The following HAUS8 variants were observed in gnomAD, a reference collection of about 807,000 sequenced individuals.
HAUS8 encodes HAUS augmin like complex subunit 8.
In HAUS8, 38 loss-of-function variants were observed where a neutral mutation model predicts 42.9. That is an observed-to-expected ratio of 0.89 (90% confidence interval 0.68 to 1.16). The LOEUF (loss-of-function observed/expected upper bound fraction) is 1.16. HAUS8 is among the 50% of genes most tolerant of loss of function. The pLI, the probability that HAUS8 is intolerant of heterozygous loss-of-function variation, is 0.00. For missense variants in HAUS8, 494 were observed against 511.6 expected (o/e 0.97, Z 0.33); for synonymous variants, 199 against 205.8 (o/e 0.97, Z 0.28).
intron 6 of HAUS8, among the ~76,000 whole-genome samples, chr19:17,059,253 C>T (rs1342717801): frequency 5.3e-5 from 8 of 152,220 alleles, no homozygotes; most frequent in Non-Finnish European, 1.0e-4. Flanking sequence ...CACAGCCTAG[C>T]CGTCCTCCCA....
At chr19:17,051,900 G>C (rs184548097) in intron 10 of HAUS8, 2,383 of 151,830 alleles carry the variant, frequency 0.016, 27 homozygotes, top group Admixed American at 0.026. Flanking sequence ...CAGCACTTTG[G>C]GGGGCTGAGG....
At chr19:17,064,509 G>A (rs1194829625) in intron 3 of HAUS8, among the ~76,000 whole-genome samples, 1 of 152,202 alleles carries the variant, frequency 6.6e-6, no homozygotes, top group South Asian at 2.1e-4. Context: ...TGTGGAACTA[G>A]CATAAGGATG....
intron 4 of HAUS8, among the ~76,000 whole-genome samples, chr19:17,060,450 G>T (rs1455210129): frequency 2.0e-5 from 3 of 152,060 alleles, no homozygotes; most frequent in African/African-American, 7.2e-5. Flanking sequence ...TTTCACTCTT[G>T]TCACCCAGGT....
At chr19:17,074,430 C>T (rs1046567333) in intron 1 of HAUS8, 1 of 152,374 alleles carries the variant, frequency 6.6e-6, no homozygotes, top group Non-Finnish European at 1.5e-5. Context: ...CAGCTGCGCT[C>T]GCCCGTAGGC....
intron 2 of HAUS8, among the ~76,000 whole-genome samples, chr19:17,072,886 C>T (rs535185645): frequency 3.9e-4 from 52 of 132,158 alleles, no homozygotes; most frequent in Non-Finnish European, 3.9e-4. Flanking sequence ...GAGGCAGAGG[C>T]GGGAGGATCA....
At chr19:17,056,225 G>C (rs1363179148) in intron 8 of HAUS8, among the ~76,000 whole-genome samples, 1 of 152,206 alleles carries the variant, frequency 6.6e-6, no homozygotes, top group Non-Finnish European at 1.5e-5. Flanking sequence ...GTGTCTGCCA[G>C]CGGTTCTAGG....
At chr19:17,072,049 G>T (rs1168594952) in intron 2 of HAUS8, among the ~76,000 whole-genome samples, 7 of 152,146 alleles carry the variant, frequency 4.6e-5, no homozygotes, top group Non-Finnish European at 1.0e-4. Context: ...TATGAAGAAG[G>T]ATACAATTCT....
chr19:17,060,294 C>A (rs886947315), intron 4 of HAUS8: 1 of 531,968 alleles, frequency 1.9e-6, no homozygotes, highest in African/African-American at 1.9e-5. Context: ...TTTAAAGTAC[C>A]ACTAGAAGAC....
chr19:17,050,558 G>A (rs981190844), intron 10 of HAUS8, among the ~76,000 whole-genome samples: 5 of 152,088 alleles, frequency 3.3e-5, no homozygotes, highest in Non-Finnish European at 2.9e-5. Context: ...CCAGGAGTTC[G>A]AGACCAGCCT....
chr19:17,050,615 A>G (rs1249594406), intron 10 of HAUS8, among the ~76,000 whole-genome samples: 2 of 152,140 alleles, frequency 1.3e-5, no homozygotes, highest in Non-Finnish European at 2.9e-5. Context: ...TTTTAAAAAT[A>G]CTGGGCGCTG....
At chr19:17,051,472 A>C (rs1451876371) in intron 10 of HAUS8, among the ~76,000 whole-genome samples, 1 of 151,926 alleles carries the variant, frequency 6.6e-6, no homozygotes, top group Non-Finnish European at 1.5e-5. Flanking sequence ...GCCACTGCAC[A>C]GTCCTTTAAG....
At chr19:17,061,235 A>G (rs1272198076) in intron 4 of HAUS8, among the ~76,000 whole-genome samples, 1 of 152,002 alleles carries the variant, frequency 6.6e-6, no homozygotes, top group African/African-American at 2.4e-5. Context: ...GGCTCAAGCA[A>G]TCCTCCCACT....
At chr19:17,072,015 C>G (rs1409535239) in intron 2 of HAUS8, among the ~76,000 whole-genome samples, 1 of 152,074 alleles carries the variant, frequency 6.6e-6, no homozygotes, top group Non-Finnish European at 1.5e-5. Context: ...AATAAACAGG[C>G]TGAATTTTCC....
chr19:17,049,882 G>A lies in HAUS8; in HGVS notation c.1224C>T (p.Asp408=). The change falls in exon 11 of 11, where the codon GAC becomes GAT. Residue 408 remains aspartate (D), a synonymous_variant. Coordinates refer to ENST00000253669, the MANE Select transcript of HAUS8 (RefSeq NM_033417.2). The part of the protein sequence containing the change: ...VPPSLSRSGR[D]LS ...TGAATGTAACCATGAGTCATGACAA[G>A]TCCCTCCCTGAACGAGAGAGAGAGG... is the stretch of plus-strand genomic sequence containing the variant. The A allele has an allele frequency of 6.7e-6, 10 of 1,492,442 alleles. 1 individual carries two copies. The South Asian group carries it at 1.4e-4, about 21-fold the overall frequency. 92.4% of individuals were successfully genotyped at this position (1,492,442 alleles called of 1,614,324 possible). A position where few individuals can be genotyped will look rare whatever the true frequency, so the allele number is the denominator to read the frequency against.
intron 2 of HAUS8, among the ~76,000 whole-genome samples, chr19:17,071,024 C>G (rs956638691): frequency 6.7e-6 from 1 of 149,358 alleles, no homozygotes; most frequent in Non-Finnish European, 1.5e-5. Context: ...GAGCCGAGAT[C>G]GTGCCATTGC....
intron 1 of HAUS8, 59 bp downstream of exon 1, chr19:17,075,335 C>T: frequency 6.3e-7 from 1 of 1,587,216 alleles, no homozygotes; most frequent in Admixed American, 1.7e-5. Flanking sequence ...ACCTCCGCTG[C>T]CCATCCTCTC....
chr19:17,073,337 T>C lies in HAUS8; in HGVS notation c.30-2A>G. 4 of 1,613,858 alleles carry C rather than the reference T, an allele frequency of 2.5e-6. No homozygotes were observed. The highest frequency in any genetic ancestry group is 3.4e-6 in the Non-Finnish European group (4 of 1,179,770). On this transcript the variant is annotated splice_acceptor_variant, in intron 1 of 10. Transcript: ENST00000253669. LOFTEE classifies it high-confidence loss of function. ...TTTGTGGGGCCGGTTGCAGGCTTCC[T>C]GCAAGAGAAGAGAGAGAGGTCTTGT...
chr19:17,064,978 G>A (rs1241032403), intron 3 of HAUS8, among the ~76,000 whole-genome samples: 25 of 152,158 alleles, frequency 1.6e-4, no homozygotes, highest in Non-Finnish European at 1.5e-5. Flanking sequence ...CCAGAATATA[G>A]AAAGCACCCT....
intron 2 of HAUS8, among the ~76,000 whole-genome samples, chr19:17,070,706 T>C (rs1448453572): frequency 6.6e-6 from 1 of 152,134 alleles, no homozygotes; most frequent in East Asian, 1.9e-4. Flanking sequence ...GGGCCCAGGA[T>C]TTTTGTCTCC....
Sources: allele counts gnomAD v4.1 joint callset (sites outside exome capture counted in the v4.1 genomes callset), GRCh38; gene constraint gnomAD v4.1.1; transcripts MANE v1.5; gene names NCBI Gene and HGNC (gene_info 2026-07-23, HGNC 2026-07-21).